The following MAD1L1 variants were observed in gnomAD, a reference collection of about 807,000 sequenced individuals.
MAD1L1 encodes the protein mitotic arrest deficient 1 like 1.
A neutral mutation model predicts 96.9 loss-of-function variants in MAD1L1; 95 were observed. The observed-to-expected ratio is 0.98, with a 90% CI of 0.83 to 1.16. The LOEUF (loss-of-function observed/expected upper bound fraction) is 1.16, where lower values mean the gene tolerates loss of function less well. Ranked by LOEUF, MAD1L1 falls within the 50% of genes most tolerant of loss-of-function variation. The pLI is 0.00. For missense variants in MAD1L1, 1,007 were observed against 954.4 expected, an observed-to-expected ratio of 1.06 and a Z score of -0.73; for synonymous variants, 473 against 396.6, an observed-to-expected ratio of 1.19 and a Z score of -2.29.
rs375211730 is a variant in MAD1L1 at position 2,091,885 on chromosome 7, C to T, written c.1074-22547G>A. ...AATGTACTAATTTGTTTATCTGTTC[C>T]TCTGTTACAGGGTGTTGTGGTGCTT... On this transcript the variant is annotated intron_variant, in intron 11 of 18. Transcript: ENST00000265854. Among the ~76,000 whole-genome samples, 56 of 152,270 alleles carry T rather than the reference C, an allele frequency of 3.7e-4. No homozygotes were observed. The East Asian group carries it at 5.8e-3, about 16-fold the overall frequency.
intron 18 of MAD1L1, among the ~76,000 whole-genome samples, chr7:1,882,137 G>A (rs1367631076): frequency 1.3e-5 from 2 of 152,194 alleles, no homozygotes; most frequent in Non-Finnish European, 2.9e-5. Context: ...GAGATGAGGA[G>A]GGGCAGCCTT....
chr7:2,176,283 G>C (rs1052094692), intron 10 of MAD1L1, among the ~76,000 whole-genome samples: 24 of 152,178 alleles, frequency 1.6e-4, no homozygotes, highest in African/African-American at 5.6e-4. Flanking sequence ...GGGAGGCAGA[G>C]GTTTCAGTGA....
intron 10 of MAD1L1, among the ~76,000 whole-genome samples, chr7:2,160,259 T>TA (rs1196707509): frequency 1.4e-5 from 2 of 146,952 alleles, no homozygotes; most frequent in Non-Finnish European, 3.0e-5. Flanking sequence ...ATCTAAAAGA[T>TA]AAACAAGAAA....
At chr7:1,890,906 G>C (rs911293742) in intron 18 of MAD1L1, among the ~76,000 whole-genome samples, 1 of 152,204 alleles carries the variant, frequency 6.6e-6, no homozygotes, top group South Asian at 2.1e-4. Context: ...TCCTGTCTGG[G>C]ATTTCCACAG....
intron 11 of MAD1L1, among the ~76,000 whole-genome samples, chr7:2,091,508 G>C (rs898980542): frequency 4.6e-5 from 7 of 152,244 alleles, no homozygotes; most frequent in Admixed American, 4.6e-4. Context: ...GGACACGGTA[G>C]CTCACGCCTA....
At chr7:1,903,809 A>C (rs1374484145) in intron 17 of MAD1L1, among the ~76,000 whole-genome samples, 1 of 145,192 alleles carries the variant, frequency 6.9e-6, no homozygotes, top group Non-Finnish European at 1.5e-5. Flanking sequence ...ACAGTGGCCT[A>C]TGAAAGATGC....
intron 11 of MAD1L1, among the ~76,000 whole-genome samples, chr7:2,105,088 G>C (rs903920541): frequency 6.6e-6 from 1 of 152,210 alleles, no homozygotes; most frequent in Non-Finnish European, 1.5e-5. Flanking sequence ...GGGCTGTTCT[G>C]AAAAGAGGTC....
chr7:1,878,539 A>G (rs1292260462), intron 18 of MAD1L1, among the ~76,000 whole-genome samples: 1 of 151,458 alleles, frequency 6.6e-6, no homozygotes. Context: ...TATCAACAGA[A>G]TAATTAAGTT....
intron 17 of MAD1L1, among the ~76,000 whole-genome samples, chr7:1,906,402 G>C (rs1787634636): frequency 6.6e-6 from 1 of 152,216 alleles, no homozygotes. Flanking sequence ...GCCCCGGCCT[G>C]GCTGCCACTG....
intron 10 of MAD1L1, among the ~76,000 whole-genome samples, chr7:2,186,610 A>AT (rs1791470885): frequency 6.6e-6 from 1 of 152,290 alleles, no homozygotes; most frequent in Non-Finnish European, 1.5e-5. Context: ...GTGAGGATGG[A>AT]TTTACATTAT....
chr7:2,092,587 T>C (rs1786274713), intron 11 of MAD1L1, among the ~76,000 whole-genome samples: 1 of 152,188 alleles, frequency 6.6e-6, no homozygotes, highest in African/African-American at 2.4e-5. Context: ...ACCTGCCCTC[T>C]GGATATCAGT....
intron 10 of MAD1L1, among the ~76,000 whole-genome samples, chr7:2,172,198 T>C (rs1436817061): frequency 6.6e-6 from 1 of 152,074 alleles, no homozygotes; most frequent in East Asian, 1.9e-4. Flanking sequence ...TGGTGAGTGT[T>C]CTCTGCCATT....
chr7:1,822,915 A>G (rs1245771684), intron 18 of MAD1L1, among the ~76,000 whole-genome samples: 2 of 151,992 alleles, frequency 1.3e-5, no homozygotes, highest in Non-Finnish European at 2.9e-5. Flanking sequence ...GGAGATGTGG[A>G]GACCAGCAGA....
At chr7:2,095,758 G>A (rs990982523) in intron 11 of MAD1L1, among the ~76,000 whole-genome samples, 13 of 152,342 alleles carry the variant, frequency 8.5e-5, no homozygotes, top group African/African-American at 1.7e-4. Flanking sequence ...CAGGGAAGCC[G>A]TGAGGAGAGG....
At chr7:2,184,756 CT>C (rs1453509694) in intron 10 of MAD1L1, among the ~76,000 whole-genome samples, 3 of 152,086 alleles carry the variant, frequency 2.0e-5, no homozygotes, top group Non-Finnish European at 4.4e-5. Flanking sequence ...AATCCCAGCA[CT>C]TTGGGAGGCT....
chr7:1,820,494 G>A (rs1290944060), intron 18 of MAD1L1, among the ~76,000 whole-genome samples: 2 of 97,166 alleles, frequency 2.1e-5, no homozygotes, highest in Non-Finnish European at 5.2e-5. Flanking sequence ...CCGGCCAGGA[G>A]CAGGGCTCAC....
intron 18 of MAD1L1, 150 bp from the exon 19 acceptor site, chr7:1,816,378 G>A (rs1174014444): frequency 8.6e-6 from 6 of 698,348 alleles, no homozygotes; most frequent in Non-Finnish European, 1.4e-5. Context: ...ACCCTGCCAG[G>A]CCTTATTCCA....
At chr7:2,001,788 C>T (rs1404233966) in intron 14 of MAD1L1, among the ~76,000 whole-genome samples, 4 of 152,188 alleles carry the variant, frequency 2.6e-5, no homozygotes, top group Non-Finnish European at 5.9e-5. Context: ...GCCCCGACAC[C>T]GTGGCCTCAT....
chr7:2,012,974 C>A (rs1782369445), intron 13 of MAD1L1, among the ~76,000 whole-genome samples: 1 of 152,244 alleles, frequency 6.6e-6, no homozygotes, highest in Non-Finnish European at 1.5e-5. Context: ...TGCTGGGACG[C>A]CCATGCAGCG....
Sources: allele counts gnomAD v4.1 joint callset (sites outside exome capture counted in the v4.1 genomes callset), GRCh38; gene constraint gnomAD v4.1.1; transcripts MANE v1.5; gene names NCBI Gene and HGNC (gene_info 2026-07-23, HGNC 2026-07-21).